Variants in SWI5 observed in about 807,000 individuals in gnomAD.
SWI5 encodes the protein SWI5 homologous recombination repair protein.
In SWI5, 12 loss-of-function variants were observed where a neutral mutation model predicts 17.0. The ratio of observed to expected loss-of-function variants is 0.71; its 90% CI spans 0.45 to 1.14. The LOEUF (loss-of-function observed/expected upper bound fraction) is 1.14. Ranked by LOEUF, SWI5 falls within the 50% of genes most tolerant of loss-of-function variation. The probability of loss-of-function intolerance (pLI) is 0.00; values close to 1 mark genes in which losing one functional copy is unlikely to be tolerated. For synonymous variants in SWI5, 61 were observed against 64.0 expected, an observed-to-expected ratio of 0.95 and a Z score of 0.22; for missense variants, 158 against 162.2, an observed-to-expected ratio of 0.97 and a Z score of 0.14.
upstream of SWI5, chr9:128,275,941 C>G: frequency 6.3e-7 from 1 of 1,593,090 alleles, no homozygotes; most frequent in South Asian, 1.1e-5. Context: ...CTTCCGACAT[C>G]GCGGGGCGGG....
rs543857979 is a variant in SWI5, at chr9:128,281,154, T to C, written c.112-3356T>C. ...CCAGGTTCAAGGGATTCTCCTGCCT[T>C]AGCCTCCCAAGTAGCTGGGACTACA... On this transcript the variant is annotated intron_variant, in intron 2 of 4. Coordinates refer to ENST00000418976, the Ensembl canonical transcript of SWI5. 1.5e-4 allele frequency among the ~76,000 whole-genome samples: 22 copies of C among 148,374 alleles called. 1 individual carries two copies. In the South Asian group the frequency reaches 4.8e-3, roughly 33 times the overall value.
At chr9:128,279,361 C>T (rs1421110319) in intron 2 of SWI5, among the ~76,000 whole-genome samples, 1 of 151,978 alleles carries the variant, frequency 6.6e-6, no homozygotes, top group Non-Finnish European at 1.5e-5. Context: ...GACGTGGAGA[C>T]CGGTAGTGGC....
In SWI5 at chr9:128,278,933, C is replaced by T. The variant is rs150192821; in HGVS notation, c.111+2178C>T. 6.7e-3 allele frequency among the ~76,000 whole-genome samples: 997 copies of T among 148,140 alleles called. 4 individuals carry two copies. The highest frequency in any genetic ancestry group is 0.011 in the Non-Finnish European group (724 of 67,656). ...GATTACAGGTGCCCGCCACCATGCCCGGCTAATTTTTATATTTTTAGTAGA... is the reference window on the plus strand; with the variant it reads ...GATTACAGGTGCCCGCCACCATGCCTGGCTAATTTTTATATTTTTAGTAGA... On this transcript the variant is annotated intron_variant, in intron 2 of 4. Transcript: ENST00000418976.
intron 2 of SWI5, chr9:128,278,797 G>C: frequency 2.4e-6 from 1 of 412,202 alleles, no homozygotes; most frequent in Non-Finnish European, 4.8e-6. Context: ...ATTTGAGACG[G>C]AATCTTGCTC....
At chr9:128,278,385 G>A (rs554329013) in intron 2 of SWI5, among the ~76,000 whole-genome samples, 1 of 152,102 alleles carries the variant, frequency 6.6e-6, no homozygotes, top group African/African-American at 2.4e-5. Flanking sequence ...TGCCCAACAT[G>A]GTGAAGCCCC....
intron 2 of SWI5, among the ~76,000 whole-genome samples, chr9:128,280,707 C>A (rs1394569788): frequency 3.3e-5 from 5 of 151,958 alleles, no homozygotes; most frequent in African/African-American, 1.2e-4. Context: ...TTAGTAGAGA[C>A]GGGGTTTCAC....
chr9:128,288,848 C>T, exon 5 of SWI5: 3 of 969,872 alleles, frequency 3.1e-6, no homozygotes, highest in South Asian at 3.0e-5. Flanking sequence ...CTAGAGAGCC[C>T]AAGCCCAATC....
At position 128,285,917 on chromosome 9, in the gene SWI5, C is replaced by G. The variant is rs1169205543; in HGVS notation, c.234-22C>G. On this transcript the variant is annotated intron_variant, in intron 3 of 4. Coordinates refer to ENST00000418976, the Ensembl canonical transcript of SWI5. This position sits in a 1 kb window ranked among gnomAD's most constrained non-coding sequence, Gnocchi z 4.8. ...TTTCTTAACTGGGCTGTCTTTCCCC[C>G]TCTCTCCATCGCTTATCCCAGAGGC... The G allele has an allele frequency of 1.3e-6, 2 of 1,575,496 alleles. No homozygotes were observed. The highest frequency in any genetic ancestry group is 1.7e-6 in the Non-Finnish European group (2 of 1,145,158).
Position 128,278,796 on chromosome 9 carries a change from G to A in SWI5, c.111+2041G>A, listed in dbSNP as rs1166824417. The A allele has an allele frequency of 1.5e-5, 6 of 412,184 alleles. No individual in the cohort carries two copies. The East Asian group carries it at 3.0e-4, about 20-fold the overall frequency. The allele number at this position is 412,184 out of a possible 1,614,324, so 25.5% of individuals were successfully genotyped here. ...TTTTTTGTTTTTTTTTATTTGAGAC[G>A]GAATCTTGCTCTGTCGCCCAGGCTG... On this transcript the variant is annotated intron_variant, in intron 2 of 4. Transcript: ENST00000418976.
chr9:128,287,557 C>CTTTTT (rs754816266), intron 4 of SWI5, among the ~76,000 whole-genome samples: 4 of 123,034 alleles, frequency 3.3e-5, no homozygotes, highest in Non-Finnish European at 5.0e-5. Flanking sequence ...TGGCCTATCC[C>CTTTTT]TTTTTTTTTT....
chr9:128,281,587 TATTG>T (rs112762480), intron 2 of SWI5, among the ~76,000 whole-genome samples: 12,727 of 152,234 alleles, frequency 0.084, 970 homozygotes, highest in African/African-American at 0.21. Flanking sequence ...ATAATTCGTT[TATTG>T]GTTACTTCAT....
exon 5 of SWI5, chr9:128,288,854 C>A: frequency 1.1e-6 from 1 of 915,028 alleles, no homozygotes; most frequent in Non-Finnish European, 1.7e-6. Flanking sequence ...AGCCCAAGCC[C>A]AATCAGGAGG....
intron 2 of SWI5, among the ~76,000 whole-genome samples, chr9:128,279,322 C>G (rs989635984): frequency 1.3e-5 from 2 of 152,034 alleles, no homozygotes; most frequent in African/African-American, 4.8e-5. Flanking sequence ...AAGAGAAAAC[C>G]GCTGGGCCCA....
intron 3 of SWI5, among the ~76,000 whole-genome samples, chr9:128,284,977 A>C (rs1053381286): frequency 6.7e-6 from 1 of 148,390 alleles, no homozygotes; most frequent in Non-Finnish European, 1.5e-5. Context: ...AAAAAAAAAA[A>C]AAAGGTTTAA....
intron 2 of SWI5, among the ~76,000 whole-genome samples, chr9:128,277,558 CAAAA>C (rs1055230607): frequency 6.6e-6 from 1 of 151,932 alleles, no homozygotes; most frequent in Admixed American, 6.6e-5. Context: ...GTCTCAAAAA[CAAAA>C]AAGAAGTTAG....
In SWI5 at chr9:128,276,312, A is replaced by C. The variant is rs374353743; in HGVS notation, c.-29A>C. On this transcript the variant is annotated 5_prime_UTR_variant, in exon 1 of 5. Coordinates refer to ENST00000418976, the Ensembl canonical transcript of SWI5. Reference sequence around the variant, plus strand: ...CGGGTCAGAGTTCCTGGCCCGGTGCACCTGAGAGGTCGCTCTCCGACTCCC... The same window carrying C: ...CGGGTCAGAGTTCCTGGCCCGGTGCCCCTGAGAGGTCGCTCTCCGACTCCC... The C allele has an allele frequency of 4.3e-6, 7 of 1,612,856 alleles. No homozygotes were observed. The highest frequency in any genetic ancestry group is 2.7e-5 in the African/African-American group (2 of 74,940).
chr9:128,287,656 G>A (rs1051580015), intron 4 of SWI5, among the ~76,000 whole-genome samples: 3 of 146,266 alleles, frequency 2.1e-5, no homozygotes, highest in African/African-American at 7.6e-5. Context: ...CCACCTCCCA[G>A]GTTCAAGTGA....
chr9:128,276,314 C>T (rs749888729), exon 1 of SWI5: 7 of 1,613,064 alleles, frequency 4.3e-6, no homozygotes, highest in Admixed American at 3.3e-5. Flanking sequence ...CCCGGTGCAC[C>T]TGAGAGGTCG....
chr9:128,288,861 G>A (rs1831691081), exon 5 of SWI5: 2 of 839,536 alleles, frequency 2.4e-6, no homozygotes. Context: ...GCCCAATCAG[G>A]AGGAGGCTAG....
Sources: gnomAD v4.1 joint callset for allele counts (sites outside exome capture counted in the v4.1 genomes callset) on GRCh38, gnomAD v4.1.1 for gene constraint, Gnocchi (gnomAD v3.1) non-coding constraint, MANE v1.5 for transcripts, NCBI Gene and HGNC (gene_info 2026-07-23, HGNC 2026-07-21) for gene names.